The following KLF17 variants were observed in gnomAD, a reference collection of about 807,000 sequenced individuals.
The protein encoded by KLF17 is Krueppel-like factor 17.
In KLF17, 31 loss-of-function variants were observed where a neutral mutation model predicts 34.2. The ratio of observed to expected loss-of-function variants is 0.91; its 90% CI spans 0.68 to 1.22. The LOEUF (loss-of-function observed/expected upper bound fraction) is 1.22. KLF17 is among the 50% of genes most tolerant of loss of function. KLF17 has a pLI of 0.00. For synonymous variants in KLF17, 179 were observed against 186.7 expected, an observed-to-expected ratio of 0.96 and a Z score of 0.34; for missense variants, 478 against 505.2, an observed-to-expected ratio of 0.95 and a Z score of 0.52.
At chr1:44,090,004 A>G in the KLF17 span, among the ~76,000 whole-genome samples, 1 of 151,916 alleles carries the variant, frequency 6.6e-6, no homozygotes, top group South Asian at 2.1e-4. Context: ...CCTACTAAAA[A>G]TGCAAAAAGT....
Position 44,132,759 on chromosome 1 carries a change from A to C in KLF17, c.*1-479A>C, listed in dbSNP as rs193183918. ...ACCTTCCTTAGGTCCCTGGACTACA[A>C]AGCACCAGATATTAAGTGGCCTATC... On this transcript the variant is annotated intron_variant, in intron 3 of 3. Coordinates refer to ENST00000372299, the MANE Select transcript of KLF17 (RefSeq NM_173484.4). 8.5e-4 allele frequency among the ~76,000 whole-genome samples: 129 copies of C among 152,292 alleles called. 2 individuals are homozygous for C. The South Asian group carries it at 0.016, about 19-fold the overall frequency.
At position 44,129,817 on chromosome 1, in the gene KLF17, C is replaced by G. The variant is rs1159201353; in HGVS notation, c.546C>G (p.Leu182=). The G allele has an allele frequency of 1.2e-6, 2 of 1,614,222 alleles. No homozygotes were observed. Among genetic ancestry groups the G allele is most frequent in the Non-Finnish European group, 1.7e-6 (2 of 1,180,044 alleles). ...ACCCTCCAGTGCCTTACCCTGGCCT[C>G]TCGACAGTACCTTCTGACGAAACAT... ...TGNPPVPYPG[L]STVPSDETLL... Residue 182 remains leucine (L), a synonymous_variant, in exon 2 of 4, where the codon CTC becomes CTG. Transcript: ENST00000372299.
At chr1:44,127,705 T>TTTCTTTCTTTCTTTCTTTCTTTC (rs1557732071) in intron 1 of KLF17, among the ~76,000 whole-genome samples, 6 of 129,584 alleles carry the variant, frequency 4.6e-5, no homozygotes, top group African/African-American at 2.3e-4. Context: ...TCTTTCTTTC[T>TTTCTTTCTTTCTTTCTTTCTTTC]TTCTTTCTTC....
the KLF17 span, among the ~76,000 whole-genome samples, chr1:44,058,743 A>G: frequency 8.2e-6 from 1 of 122,004 alleles, no homozygotes; most frequent in Non-Finnish European, 1.6e-5. Context: ...GCTGGAGTGC[A>G]GTGGCGCTGT....
chr1:44,060,419 G>A, the KLF17 span, among the ~76,000 whole-genome samples: 1 of 152,174 alleles, frequency 6.6e-6, no homozygotes, highest in Non-Finnish European at 1.5e-5. Context: ...AGTGAGCTGA[G>A]ATCACGCCAT....
chr1:44,067,468 C>T, the KLF17 span, among the ~76,000 whole-genome samples: 2 of 151,994 alleles, frequency 1.3e-5, no homozygotes, highest in East Asian at 1.9e-4. Context: ...TATTCTTGTT[C>T]CAGTGATTTA....
At chr1:44,064,806 G>A in the KLF17 span, among the ~76,000 whole-genome samples, 2 of 152,174 alleles carry the variant, frequency 1.3e-5, no homozygotes, top group African/African-American at 4.8e-5. Context: ...AGGTATACAT[G>A]TATATTTAAT....
the KLF17 span, among the ~76,000 whole-genome samples, chr1:44,057,751 A>G: frequency 2.6e-5 from 4 of 152,194 alleles, no homozygotes; most frequent in Non-Finnish European, 5.9e-5. Flanking sequence ...TCCCTATTCA[A>G]ATTAGTTTCT....
At chr1:44,127,692 T>TTCTTTCTTTTCTTTCTTTCTTTCTTTC (rs753421834) in intron 1 of KLF17, among the ~76,000 whole-genome samples, 6 of 90,136 alleles carry the variant, frequency 6.7e-5, no homozygotes, top group African/African-American at 2.2e-4. Context: ...CTTTCTTTCT[T>TTCTTTCTTTTCTTTCTTTCTTTCTTTC]TTTCTTTCTT....
At chr1:44,092,862 A>C in the KLF17 span, among the ~76,000 whole-genome samples, 3 of 151,694 alleles carry the variant, frequency 2.0e-5, no homozygotes, top group Non-Finnish European at 4.4e-5. Context: ...AAAATTTATC[A>C]AAAAAAACCC....
chr1:44,056,176 A>C, the KLF17 span, among the ~76,000 whole-genome samples: 1 of 152,178 alleles, frequency 6.6e-6, no homozygotes. Flanking sequence ...CAGTTAACTA[A>C]TGGATCCCTC....
chr1:44,092,347 A>C, the KLF17 span, among the ~76,000 whole-genome samples: 1 of 151,990 alleles, frequency 6.6e-6, no homozygotes, highest in African/African-American at 2.4e-5. Context: ...ACTTCGTCTC[A>C]AAAAAAACTT....
chr1:44,127,693 T>TCTTTC (rs58784189), intron 1 of KLF17, among the ~76,000 whole-genome samples: 74 of 4,500 alleles, frequency 0.016, no homozygotes, highest in African/African-American at 0.022. Flanking sequence ...TTTCTTTCTT[T>TCTTTC]TTCTTTCTTT....
the KLF17 span, among the ~76,000 whole-genome samples, chr1:44,049,868 G>A: frequency 2.0e-3 from 298 of 152,312 alleles, 2 homozygotes; most frequent in Non-Finnish European, 2.7e-3. Context: ...CTATTCCATT[G>A]CATGAATATA....
chr1:44,067,003 G>A, the KLF17 span, among the ~76,000 whole-genome samples: 3 of 152,082 alleles, frequency 2.0e-5, no homozygotes, highest in Non-Finnish European at 2.9e-5. Context: ...TCAAATAGTG[G>A]TTACCTCTCG....
the KLF17 span, among the ~76,000 whole-genome samples, chr1:44,098,564 TTTC>T: frequency 5.8e-4 from 75 of 129,200 alleles, 1 homozygote; most frequent in Middle Eastern, 3.9e-3. Context: ...TTTTTTTTTT[TTTC>T]TGAGACTGAG....
At chr1:44,057,422 G>C in the KLF17 span, among the ~76,000 whole-genome samples, 1 of 152,178 alleles carries the variant, frequency 6.6e-6, no homozygotes, top group Non-Finnish European at 1.5e-5. Flanking sequence ...TTTGGGAAAA[G>C]GAGGTAGCAG....
rs981142540 is a variant in KLF17, at chr1:44,133,443, G to GTGCC, written c.*208_*211dup. ...CAGGGAAGAAAGACTTCTCAAGGAG[G>GTGCC]TGCCTCCATCAGACCCAAAGGACTC... On this transcript the variant is annotated 3_prime_UTR_variant, in exon 4 of 4. Coordinates refer to ENST00000372299, the MANE Select transcript of KLF17 (RefSeq NM_173484.4). The GTGCC allele has an allele frequency of 6.6e-6, 1 of 152,254 alleles. No homozygotes were observed. Among genetic ancestry groups the GTGCC allele is most frequent in the Non-Finnish European group, 1.5e-5 (1 of 68,096 alleles). 9.4% of individuals were successfully genotyped at this position (152,254 alleles called of 1,614,324 possible). A position where few individuals can be genotyped will look rare whatever the true frequency, so the allele number is the denominator to read the frequency against.
At chr1:44,067,794 G>A in the KLF17 span, among the ~76,000 whole-genome samples, 1 of 151,872 alleles carries the variant, frequency 6.6e-6, no homozygotes, top group African/African-American at 2.4e-5. Flanking sequence ...GTGAGCCAAT[G>A]CCACCCTGAC....
Sources: allele counts gnomAD v4.1 joint callset (sites outside exome capture counted in the v4.1 genomes callset), GRCh38; gene constraint gnomAD v4.1.1; transcripts MANE v1.5; gene names NCBI Gene and HGNC (gene_info 2026-07-23, HGNC 2026-07-21).